The following HHAT variants were observed in gnomAD, a reference collection of about 807,000 sequenced individuals.
HHAT encodes hedgehog acyltransferase.
In HHAT, 47 loss-of-function variants were observed where a neutral mutation model predicts 70.8. The observed-to-expected ratio is 0.66, with a 90% CI of 0.53 to 0.85. HHAT has a LOEUF of 0.85. HHAT is among the 40% of genes least tolerant of loss of function. HHAT has a pLI of 0.00. For synonymous variants in HHAT, 228 were observed against 247.6 expected, an observed-to-expected ratio of 0.92 and a Z score of 0.74; for missense variants, 609 against 604.8, an observed-to-expected ratio of 1.01 and a Z score of -0.07.
chr1:210,523,263 C>T (rs913528419), intron 9 of HHAT, among the ~76,000 whole-genome samples: 1 of 152,144 alleles, frequency 6.6e-6, no homozygotes, highest in Non-Finnish European at 1.5e-5. Flanking sequence ...GGACCAAATG[C>T]TGTTTTTTGC....
At chr1:210,391,006 G>A (rs1408901658) in intron 4 of HHAT, among the ~76,000 whole-genome samples, 1 of 152,150 alleles carries the variant, frequency 6.6e-6, no homozygotes, top group African/African-American at 2.4e-5. Flanking sequence ...TTTCCTTTGG[G>A]TAGATACCCA....
At position 210,361,900 on chromosome 1, in the gene HHAT, C is replaced by T. The variant is rs1042863240; in HGVS notation, c.92-952C>T. Among the ~76,000 whole-genome samples, 5 of 152,278 alleles carry T rather than the reference C, an allele frequency of 3.3e-5. No homozygotes were observed. In the South Asian group the frequency reaches 1.0e-3, roughly 32 times the overall value. ...GCACAGACCTCAGCATCGGCTCCCA[C>T]AGCATTCCTTCCTGCATCATGGCAC... On this transcript the variant is annotated intron_variant, in intron 2 of 11. Transcript: ENST00000261458.
intron 5 of HHAT, among the ~76,000 whole-genome samples, chr1:210,402,077 A>C (rs2092102677): frequency 6.6e-6 from 1 of 152,306 alleles, no homozygotes; most frequent in African/African-American, 2.4e-5. Flanking sequence ...CTGTGGCTGC[A>C]GGGGAGTAAA....
chr1:210,604,447 G>T (rs761903372), intron 10 of HHAT, among the ~76,000 whole-genome samples: 5 of 152,002 alleles, frequency 3.3e-5, no homozygotes, highest in Non-Finnish European at 7.4e-5. Flanking sequence ...GATCACCAAA[G>T]AATGATAGAT....
At chr1:210,619,955 G>A (rs185280500) in intron 10 of HHAT, among the ~76,000 whole-genome samples, 1 of 152,274 alleles carries the variant, frequency 6.6e-6, no homozygotes, top group East Asian at 1.9e-4. Flanking sequence ...CTGTCTTCTG[G>A]TATTCCCCCA....
At chr1:210,406,478 C>T (rs185538669) in intron 6 of HHAT, among the ~76,000 whole-genome samples, 2,753 of 151,670 alleles carry the variant, frequency 0.018, 46 homozygotes, top group Non-Finnish European at 0.028. Flanking sequence ...ACTGCAACCT[C>T]CACCTCCTGG....
chr1:210,361,486 G>A (rs2088309729), intron 2 of HHAT, among the ~76,000 whole-genome samples: 1 of 151,930 alleles, frequency 6.6e-6, no homozygotes, highest in African/African-American at 2.4e-5. Context: ...CGGTTTGCAA[G>A]CCCCTCTCTT....
intron 11 of HHAT, among the ~76,000 whole-genome samples, chr1:210,662,538 G>C (rs1023832862): frequency 1.3e-5 from 2 of 152,180 alleles, no homozygotes; most frequent in African/African-American, 2.4e-5. Flanking sequence ...AAACAGCTGG[G>C]GAAGTGTGTT....
rs2095522693 is a variant in HHAT at position 210,550,978 on chromosome 1, G to A, written c.1044-36920G>A. Among the ~76,000 whole-genome samples the A allele has an allele frequency of 2.0e-5, 3 of 148,852 alleles. 1 individual carries two copies. Among genetic ancestry groups the A allele is most frequent in the Non-Finnish European group, 4.4e-5 (3 of 67,846 alleles). On this transcript the variant is annotated intron_variant, in intron 9 of 11. Transcript: ENST00000261458. ...CGACCACTCCTGGCCCAGAAGTGAT[G>A]ACTTTTTAAACAGGAGTGAGAACTT...
chr1:210,528,418 C>A (rs2095275774), intron 9 of HHAT, among the ~76,000 whole-genome samples: 1 of 152,162 alleles, frequency 6.6e-6, no homozygotes, highest in Admixed American at 6.5e-5. Flanking sequence ...CCATGTAAGG[C>A]CTTGAATGCC....
At chr1:210,660,809 T>C (rs752068450) in intron 11 of HHAT, among the ~76,000 whole-genome samples, 68 of 152,172 alleles carry the variant, frequency 4.5e-4, no homozygotes, top group Admixed American at 2.6e-3. Flanking sequence ...AAACAAGATA[T>C]AGGGAAAGGA....
chr1:210,569,195 G>C (rs541406375), intron 9 of HHAT, among the ~76,000 whole-genome samples: 25 of 151,784 alleles, frequency 1.6e-4, no homozygotes, highest in African/African-American at 6.0e-4. Context: ...CCAACATGGC[G>C]AAACCCCATC....
chr1:210,656,762 T>C (rs1048428491), intron 11 of HHAT, among the ~76,000 whole-genome samples: 14 of 152,158 alleles, frequency 9.2e-5, no homozygotes, highest in African/African-American at 1.9e-4. Context: ...CTCATGCTTC[T>C]TTAGCAGAGA....
At chr1:210,537,523 G>A (rs1049824710) in intron 9 of HHAT, among the ~76,000 whole-genome samples, 9 of 152,200 alleles carry the variant, frequency 5.9e-5, no homozygotes, top group Admixed American at 1.3e-4. Context: ...GGGCCATTGG[G>A]GTTCATTTCT....
chr1:210,338,049 C>CAGGCAG (rs568352725), intron 1 of HHAT, among the ~76,000 whole-genome samples: 133 of 152,270 alleles, frequency 8.7e-4, no homozygotes, highest in Admixed American at 1.7e-3. Flanking sequence ...AGTCAACTGA[C>CAGGCAG]AGGCAGAGGA....
At chr1:210,619,101 G>A (rs1274953266) in intron 10 of HHAT, among the ~76,000 whole-genome samples, 4 of 152,138 alleles carry the variant, frequency 2.6e-5, no homozygotes, top group Non-Finnish European at 5.9e-5. Context: ...GTTCTGAGGG[G>A]CTTGCTGTAA....
rs909952361 is a variant in HHAT, at chr1:210,574,758, T to A, written c.1044-13140T>A. Among the ~76,000 whole-genome samples the A allele has an allele frequency of 3.2e-4, 48 of 152,298 alleles. 1 individual carries two copies. In the Middle Eastern group the frequency reaches 0.02, roughly 65 times the overall value. On this transcript the variant is annotated intron_variant, in intron 9 of 11. Transcript: ENST00000261458. ...AAAAGCATTACACCACAAACCCAGA[T>A]GAGGGATGAAATGCTTCGGGAACCA...
At chr1:210,394,846 C>G (rs1430549909) in intron 4 of HHAT, among the ~76,000 whole-genome samples, 11 of 152,112 alleles carry the variant, frequency 7.2e-5, no homozygotes. Flanking sequence ...TGGAATCAGC[C>G]CCTTCTACCT....
rs2094466154 is a variant in HHAT at position 210,485,879 on chromosome 1, C to T, written c.1007+21224C>T. On this transcript the variant is annotated intron_variant, in intron 8 of 11. Transcript: ENST00000261458. Reference sequence around the variant, plus strand: ...AGATTTGGGTGGAGACACAGCTAAACCATGTCAGTCTCAGACTGTATGCCC... The same window carrying T: ...AGATTTGGGTGGAGACACAGCTAAATCATGTCAGTCTCAGACTGTATGCCC... Among the ~76,000 whole-genome samples the T allele has an allele frequency of 9.9e-5, 15 of 152,112 alleles. No homozygotes were observed. The South Asian group carries it at 3.1e-3, about 32-fold the overall frequency.
Sources: allele counts gnomAD v4.1 joint callset (sites outside exome capture counted in the v4.1 genomes callset), GRCh38; gene constraint gnomAD v4.1.1; transcripts MANE v1.5; gene names NCBI Gene and HGNC (gene_info 2026-07-23, HGNC 2026-07-21).